The following FCHSD2 variants were observed in gnomAD, a reference collection of about 807,000 sequenced individuals.
FCHSD2 encodes FCH and double SH3 domains 2, also known as F-BAR and double SH3 domains protein 2.
A neutral mutation model predicts 108.1 loss-of-function variants in FCHSD2; 38 were observed. The ratio of observed to expected loss-of-function variants is 0.35; its 90% CI spans 0.27 to 0.46. The LOEUF is 0.46. Among genes scored for constraint, FCHSD2 ranks in the 20% least tolerant of loss-of-function variants. The pLI, the probability that FCHSD2 is intolerant of heterozygous loss-of-function variation, is 1.00. For synonymous variants in FCHSD2, 279 were observed against 314.7 expected (o/e 0.89, Z 1.20); for missense variants, 751 against 897.8 (o/e 0.84, Z 2.09).
chr11:72,914,350 T>C (rs1565320367), intron 9 of FCHSD2, among the ~76,000 whole-genome samples: 2 of 152,126 alleles, frequency 1.3e-5, no homozygotes, highest in African/African-American at 2.4e-5. Context: ...GCTATTCCCA[T>C]TGAACTACCA....
At chr11:73,003,833 G>A (rs376396139) in intron 4 of FCHSD2, among the ~76,000 whole-genome samples, 5 of 151,604 alleles carry the variant, frequency 3.3e-5, no homozygotes, top group South Asian at 2.1e-4. Context: ...ATCAGCCAGC[G>A]TGGTGGCTCA....
At position 73,015,688 on chromosome 11, in the gene FCHSD2, C is replaced by T. The variant is rs143515808; in HGVS notation, c.242+121G>A. ...ATTTTGATAATTTTGAAATTATATC[C>T]GAAAACACAGCAGAGGAAAGAAGTA... is the stretch of plus-strand genomic sequence containing the variant. On this transcript the variant is annotated intron_variant, in intron 4 of 19. Coordinates refer to ENST00000409418, the MANE Select transcript of FCHSD2 (RefSeq NM_014824.3). 8.6e-4 allele frequency: 448 copies of T among 523,272 alleles called. 1 individual carries two copies. Among genetic ancestry groups the T allele is most frequent in the African/African-American group, 7.3e-3 (364 of 49,906 alleles). 32.4% of individuals were successfully genotyped at this position (523,272 alleles called of 1,614,324 possible).
chr11:72,974,532 A>T (rs1444858398), intron 8 of FCHSD2, among the ~76,000 whole-genome samples: 1 of 152,230 alleles, frequency 6.6e-6, no homozygotes, highest in Non-Finnish European at 1.5e-5. Context: ...TGTTCAACAG[A>T]GTTTTCTAAG....
intron 2 of FCHSD2, among the ~76,000 whole-genome samples, chr11:73,099,323 G>T (rs1860161000): frequency 6.6e-6 from 1 of 152,148 alleles, no homozygotes; most frequent in Admixed American, 6.5e-5. Flanking sequence ...AGGATGTGAA[G>T]AAATTAGAAC....
chr11:72,959,759 T>C (rs1318260259), intron 8 of FCHSD2, among the ~76,000 whole-genome samples: 1 of 152,132 alleles, frequency 6.6e-6, no homozygotes, highest in African/African-American at 2.4e-5. Flanking sequence ...TGTCAGGCAC[T>C]GGTCCAACTG....
rs1306940773 is a variant in FCHSD2 at position 73,024,252 on chromosome 11, C to A, written c.166-8367G>T. 2.6e-5 allele frequency among the ~76,000 whole-genome samples: 4 copies of A among 152,152 alleles called. No homozygotes were observed. The East Asian group carries it at 5.8e-4, about 22-fold the overall frequency. On this transcript the variant is annotated intron_variant, in intron 3 of 19. Transcript: ENST00000409418. ...TGTATTACAAAATGTGAGACATAAC[C>A]TCATAAATGGGTATGGGGAATGAAG...
chr11:72,843,629 T>C, intron 14 of FCHSD2, 97 bp from the exon 15 acceptor site: 4 of 779,264 alleles, frequency 5.1e-6, no homozygotes, highest in Non-Finnish European at 8.8e-6. Flanking sequence ...AATATTGAAA[T>C]GATTTTGAGA....
Position 73,087,043 on chromosome 11 carries a change from C to A in FCHSD2, c.120-3303G>T, listed in dbSNP as rs530371545. The stretch of plus-strand genomic sequence containing the variant: ...CAGGCAGTTCCTTCAGGAGGTATAC[C>A]AGAAAAAGGCATTGTATCATAGGAG... On this transcript the variant is annotated intron_variant, in intron 2 of 19. Transcript: ENST00000409418. Among the ~76,000 whole-genome samples, 4 of 152,108 alleles carry A rather than the reference C, an allele frequency of 2.6e-5. No individual in the cohort carries two copies. The East Asian group carries it at 7.7e-4, about 29-fold the overall frequency.
intron 3 of FCHSD2, among the ~76,000 whole-genome samples, chr11:73,053,654 T>C (rs1260532448): frequency 6.6e-6 from 1 of 152,240 alleles, no homozygotes; most frequent in Non-Finnish European, 1.5e-5. Context: ...TATGTCATAT[T>C]AAAATTGTTA....
At chr11:72,852,321 C>G (rs1171011185) in intron 13 of FCHSD2, among the ~76,000 whole-genome samples, 1 of 152,116 alleles carries the variant, frequency 6.6e-6, no homozygotes, top group Non-Finnish European at 1.5e-5. Flanking sequence ...GGCAATTCCT[C>G]AAAGAGCTAA....
In FCHSD2 at chr11:73,120,685, T is replaced by C. The variant is rs181128661; in HGVS notation, c.119+19346A>G. On this transcript the variant is annotated intron_variant, in intron 2 of 19. Coordinates refer to ENST00000409418, the MANE Select transcript of FCHSD2 (RefSeq NM_014824.3). ...CGGAGGCTGCAGTGAGCTGAGATCA[T>C]GCCACTGCACTCCAGCCTGGGCAAC... Among the ~76,000 whole-genome samples the C allele has an allele frequency of 3.5e-3, 527 of 152,050 alleles. 5 individuals carry two copies. Among genetic ancestry groups the C allele is most frequent in the Non-Finnish European group, 4.0e-3 (272 of 67,982 alleles).
chr11:73,045,378 G>A (rs1393280702), intron 3 of FCHSD2, among the ~76,000 whole-genome samples: 1 of 149,718 alleles, frequency 6.7e-6, no homozygotes, highest in Non-Finnish European at 1.5e-5. Context: ...CAGGGATCTA[G>A]AACTAGAAAT....
intron 2 of FCHSD2, among the ~76,000 whole-genome samples, chr11:73,088,554 C>G (rs1859879134): frequency 6.6e-6 from 1 of 151,900 alleles, no homozygotes; most frequent in Non-Finnish European, 1.5e-5. Flanking sequence ...TCTTCTTTTG[C>G]TTTCCATAAT....
intron 5 of FCHSD2, among the ~76,000 whole-genome samples, chr11:72,997,595 TAAAGGAA>T (rs1177408346): frequency 6.6e-6 from 1 of 152,132 alleles, no homozygotes; most frequent in African/African-American, 2.4e-5. Context: ...TTTAAGAGGA[TAAAGGAA>T]AAACATGGAG....
intron 9 of FCHSD2, among the ~76,000 whole-genome samples, chr11:72,919,121 A>C (rs1159162922): frequency 5.9e-5 from 9 of 152,128 alleles, no homozygotes; most frequent in Admixed American, 4.6e-4. Context: ...TAATAATATA[A>C]AATAAAAAAA....
intron 3 of FCHSD2, among the ~76,000 whole-genome samples, chr11:73,029,335 C>T (rs971962116): frequency 5.3e-5 from 8 of 152,162 alleles, no homozygotes; most frequent in Non-Finnish European, 1.2e-4. Flanking sequence ...AATCACACTG[C>T]GGCAAGATCG....
chr11:73,055,867 C>T (rs1332184500), intron 3 of FCHSD2, among the ~76,000 whole-genome samples: 1 of 151,938 alleles, frequency 6.6e-6, no homozygotes, highest in African/African-American at 2.4e-5. Flanking sequence ...TGGGAGGAGA[C>T]AAAGGGGAAT....
At chr11:72,960,588 G>T (rs1267395484) in intron 8 of FCHSD2, among the ~76,000 whole-genome samples, 1 of 152,166 alleles carries the variant, frequency 6.6e-6, no homozygotes, top group African/African-American at 2.4e-5. Flanking sequence ...GTTCCATGCA[G>T]CTGCTATTAA....
intron 3 of FCHSD2, among the ~76,000 whole-genome samples, chr11:73,037,373 C>A (rs562511782): frequency 6.6e-6 from 1 of 152,168 alleles, no homozygotes; most frequent in African/African-American, 2.4e-5. Flanking sequence ...ACATATCCAT[C>A]ATTACAGTAT....
Sources: allele counts gnomAD v4.1 joint callset (sites outside exome capture counted in the v4.1 genomes callset), GRCh38; gene constraint gnomAD v4.1.1; transcripts MANE v1.5; gene names NCBI Gene and HGNC (gene_info 2026-07-23, HGNC 2026-07-21).